The following FRMD3 variants were observed in gnomAD, a reference collection of about 807,000 sequenced individuals.
The protein encoded by FRMD3 is FERM domain-containing protein 3.
Under a neutral mutation model 70.2 loss-of-function variants are expected in FRMD3, and 33 were observed. The ratio of observed to expected loss-of-function variants is 0.47; its 90% CI spans 0.36 to 0.63. The LOEUF is 0.63. FRMD3 is among the 20% of genes least tolerant of loss of function. FRMD3 has a pLI of 0.00. For missense variants in FRMD3, 632 were observed against 711.4 expected (o/e 0.89, Z 1.27); for synonymous variants, 279 against 255.9 (o/e 1.09, Z -0.86).
chr9:83,284,058 G>GTTT (rs1563993854), intron 13 of FRMD3, among the ~76,000 whole-genome samples: 18 of 79,350 alleles, frequency 2.3e-4, no homozygotes, highest in African/African-American at 8.0e-4. Context: ...AAGCTAGGAT[G>GTTT]TTATTTTTTT....
chr9:83,542,608 A>C (rs572581432), upstream of FRMD3, among the ~76,000 whole-genome samples: 36 of 152,334 alleles, frequency 2.4e-4, 2 homozygotes, highest in South Asian at 5.6e-3. Context: ...AACTTTTTTT[A>C]AAGTTTATAT....
At chr9:83,417,896 G>A (rs932423879) in intron 1 of FRMD3, among the ~76,000 whole-genome samples, 4 of 152,148 alleles carry the variant, frequency 2.6e-5, no homozygotes, top group Non-Finnish European at 5.9e-5. Context: ...TAAAAATAAG[G>A]CCAGCAAGCA....
At position 83,472,651 on chromosome 9, in the gene FRMD3, T is replaced by C. The variant is rs145275828; in HGVS notation, c.147+65434A>G. 3.8e-3 allele frequency among the ~76,000 whole-genome samples: 580 copies of C among 152,286 alleles called. 4 individuals are homozygous for C. The highest frequency in any genetic ancestry group is 6.8e-3 in the Middle Eastern group (2 of 294). On this transcript the variant is annotated intron_variant, in intron 1 of 13. Transcript: ENST00000304195. ...TCATGAGAACATATCTCTACCTTTA[T>C]AAAGCATACTGTCAACAGAAAAGTC...
chr9:83,575,443 TGGA>T, the FRMD3 span, among the ~76,000 whole-genome samples: 1 of 152,138 alleles, frequency 6.6e-6, no homozygotes, highest in African/African-American at 2.4e-5. Flanking sequence ...CCCATGTGAC[TGGA>T]GGAAAAGCAG....
chr9:83,452,631 A>G (rs147940394), intron 1 of FRMD3, among the ~76,000 whole-genome samples: 1,576 of 151,596 alleles, frequency 0.01, 34 homozygotes, highest in African/African-American at 0.037. Flanking sequence ...ACAGGCGCCC[A>G]CCACCGCACC....
chr9:83,325,460 G>A (rs1048006741), intron 6 of FRMD3, among the ~76,000 whole-genome samples: 3 of 151,350 alleles, frequency 2.0e-5, no homozygotes, highest in Non-Finnish European at 4.4e-5. Flanking sequence ...CTATAGCTAG[G>A]ACTACAGGAG....
At chr9:83,266,838 C>G (rs992008185) in intron 13 of FRMD3, among the ~76,000 whole-genome samples, 3 of 152,132 alleles carry the variant, frequency 2.0e-5, no homozygotes, top group Admixed American at 1.3e-4. Flanking sequence ...CACTGGCTTG[C>G]TCACCCTCCT....
At chr9:83,307,051 G>A (rs182341988) in intron 10 of FRMD3, among the ~76,000 whole-genome samples, 275 of 152,282 alleles carry the variant, frequency 1.8e-3, no homozygotes, top group African/African-American at 6.2e-3. Flanking sequence ...ACATAGTACA[G>A]ATATATAAAA....
the FRMD3 span, among the ~76,000 whole-genome samples, chr9:83,561,088 C>T: frequency 6.6e-6 from 1 of 152,142 alleles, no homozygotes; most frequent in African/African-American, 2.4e-5. Flanking sequence ...AAATTTAACC[C>T]CAAGTTTGCT....
At chr9:83,377,467 C>T (rs1366685865) in intron 2 of FRMD3, among the ~76,000 whole-genome samples, 3 of 152,180 alleles carry the variant, frequency 2.0e-5, no homozygotes, top group African/African-American at 7.2e-5. Context: ...CATGTTGAAC[C>T]GTAATCCCCA....
intron 1 of FRMD3, among the ~76,000 whole-genome samples, chr9:83,458,911 T>A (rs1827894501): frequency 6.6e-6 from 1 of 152,228 alleles, no homozygotes; most frequent in Non-Finnish European, 1.5e-5. Flanking sequence ...CCAAGCACCA[T>A]TTTCTACTTA....
intron 5 of FRMD3, among the ~76,000 whole-genome samples, chr9:83,336,515 G>A (rs1214169440): frequency 3.3e-5 from 5 of 150,774 alleles, no homozygotes; most frequent in African/African-American, 1.2e-4. Context: ...TGCAGGTGTG[G>A]CTTATTCATT....
chr9:83,368,177 G>C (rs1221970232), intron 3 of FRMD3, among the ~76,000 whole-genome samples: 1 of 152,174 alleles, frequency 6.6e-6, no homozygotes, highest in Non-Finnish European at 1.5e-5. Flanking sequence ...CAAAGGCACA[G>C]CACAGGCAGG....
chr9:83,290,832 C>A, intron 12 of FRMD3, 105 bp from the exon 13 acceptor site: 1 of 1,165,476 alleles, frequency 8.6e-7, no homozygotes, highest in Non-Finnish European at 1.2e-6. Flanking sequence ...CAGGGAACTA[C>A]CTCCAGACAC....
chr9:83,300,028 G>A (rs552958213), intron 10 of FRMD3, among the ~76,000 whole-genome samples: 71 of 152,292 alleles, frequency 4.7e-4, no homozygotes, highest in East Asian at 4.1e-3. Flanking sequence ...GTTCAGCATC[G>A]TTTAAAATAT....
chr9:83,297,094 TGACC>T (rs1834702387), intron 12 of FRMD3, among the ~76,000 whole-genome samples: 4 of 152,236 alleles, frequency 2.6e-5, no homozygotes, highest in African/African-American at 9.7e-5. Context: ...AATTCTTTAT[TGACC>T]TCATTAACCA....
At chr9:83,533,266 T>C (rs1266344834) in intron 1 of FRMD3, among the ~76,000 whole-genome samples, 2 of 152,134 alleles carry the variant, frequency 1.3e-5, no homozygotes, top group African/African-American at 4.8e-5. Context: ...AGTAATACAA[T>C]ATTGAGATAA....
At position 83,309,592 on chromosome 9, in the gene FRMD3, T is replaced by C. The variant is rs769355231; in HGVS notation, c.870A>G (p.Thr290=). ...TCCAAAGATGTTTGCAGGCAGCTGG[T>C]GTTGAAGTATGGAATGCCAACATGG... The part of the protein sequence containing the change: ...KKAMLAFHTS[T]PAACKHLWKC... The change falls in exon 10 of 14, where the codon ACA becomes ACG. Residue 290 remains threonine, a synonymous_variant. Transcript: ENST00000304195. The C allele has an allele frequency of 2.5e-6, 4 of 1,596,954 alleles. No homozygotes were observed.
chr9:83,243,796 C>A (rs953703719), downstream of FRMD3, among the ~76,000 whole-genome samples: 2 of 152,090 alleles, frequency 1.3e-5, no homozygotes, highest in Non-Finnish European at 2.9e-5. Context: ...CTCCCCTACC[C>A]CTTTTGTTTC....
Sources: allele counts gnomAD v4.1 joint callset (sites outside exome capture counted in the v4.1 genomes callset), GRCh38; gene constraint gnomAD v4.1.1; transcripts MANE v1.5; gene names NCBI Gene and HGNC (gene_info 2026-07-23, HGNC 2026-07-21).